The following BCAR3 variants were observed in gnomAD, a reference collection of about 807,000 sequenced individuals.
BCAR3 encodes the protein breast cancer anti-estrogen resistance protein 3.
A neutral mutation model predicts 80.1 loss-of-function variants in BCAR3; 37 were observed. The observed-to-expected ratio is 0.46, with a 90% CI of 0.36 to 0.61. The LOEUF is 0.61. BCAR3 is among the 20% of genes least tolerant of loss of function. The probability of loss-of-function intolerance (pLI) is 0.00; values close to 1 mark genes in which losing one functional copy is unlikely to be tolerated. For synonymous variants in BCAR3, 389 were observed against 418.9 expected, an observed-to-expected ratio of 0.93 and a Z score of 0.87; for missense variants, 978 against 1,068.2, an observed-to-expected ratio of 0.92 and a Z score of 1.18.
chr1:93,713,217 T>A lies in BCAR3; in HGVS notation c.-62-7075A>T, dbSNP rs1650084311. Among the ~76,000 whole-genome samples the A allele has an allele frequency of 2.0e-5, 3 of 152,318 alleles. No homozygotes were observed. In the South Asian group the frequency reaches 6.2e-4, roughly 32 times the overall value. On this transcript the variant is annotated intron_variant, in intron 2 of 13. Transcript: ENST00000370244. ...GGCTTCTGTATTGGACGGCACACTC[T>A]AGGGTCTTATCTTAGTGCAGTTTGT...
intron 2 of BCAR3, among the ~76,000 whole-genome samples, chr1:93,771,359 G>A (rs1201386546): frequency 1.3e-5 from 2 of 152,282 alleles, no homozygotes; most frequent in South Asian, 2.1e-4. Flanking sequence ...TAAGAGACAC[G>A]ACATAGGGCA....
intron 1 of BCAR3, among the ~76,000 whole-genome samples, chr1:93,675,988 T>C (rs1381694414): frequency 6.8e-6 from 1 of 146,876 alleles, no homozygotes; most frequent in East Asian, 2.0e-4. Context: ...GGATCTGTCT[T>C]ATACTAGTCA....
At chr1:93,737,181 A>G (rs916061304) in intron 2 of BCAR3, among the ~76,000 whole-genome samples, 13 of 152,200 alleles carry the variant, frequency 8.5e-5, no homozygotes, top group African/African-American at 3.1e-4. Flanking sequence ...GAAAGCCTCA[A>G]AGCAGAACAG....
intron 3 of BCAR3, among the ~76,000 whole-genome samples, chr1:93,622,636 G>A (rs1389228854): frequency 1.3e-5 from 2 of 152,172 alleles, no homozygotes; most frequent in Admixed American, 1.3e-4. Context: ...TTTGTCACAT[G>A]GAAACACAAA....
intron 3 of BCAR3, among the ~76,000 whole-genome samples, chr1:93,623,063 C>T (rs756882912): frequency 1.5e-4 from 23 of 152,268 alleles, no homozygotes; most frequent in Non-Finnish European, 3.1e-4. Flanking sequence ...TGGACATCCC[C>T]ACCCCCTGCC....
chr1:93,589,720 G>A (rs756883332), intron 4 of BCAR3, among the ~76,000 whole-genome samples: 2 of 152,162 alleles, frequency 1.3e-5, no homozygotes, highest in Non-Finnish European at 2.9e-5. Flanking sequence ...TTCTGTTTTA[G>A]TGAGGATAAA....
intron 1 of BCAR3, among the ~76,000 whole-genome samples, chr1:93,679,692 T>G (rs1472519601): frequency 6.6e-6 from 1 of 152,240 alleles, no homozygotes; most frequent in Non-Finnish European, 1.5e-5. Flanking sequence ...TTACCACATG[T>G]GCTGCCTTCC....
At chr1:93,807,064 C>T (rs1278645718) in intron 2 of BCAR3, among the ~76,000 whole-genome samples, 2 of 151,724 alleles carry the variant, frequency 1.3e-5, no homozygotes, top group African/African-American at 4.8e-5. Flanking sequence ...GAGATCATGC[C>T]ACTGCACTCC....
At position 93,698,649 on chromosome 1, in the gene BCAR3, G is replaced by A. The variant is rs183793545; in HGVS notation, c.-12+7443C>T. Reference sequence around the variant, plus strand: ...ACTCCAACAACCCATTCCTGAGTGGGGTGGAGGATACTTGATAAAGAGAGG... The same window carrying A: ...ACTCCAACAACCCATTCCTGAGTGGAGTGGAGGATACTTGATAAAGAGAGG... On this transcript the variant is annotated intron_variant, in intron 3 of 13. Transcript: ENST00000370244. Among the ~76,000 whole-genome samples the A allele has an allele frequency of 1.6e-3, 241 of 152,288 alleles. 1 individual carries two copies. The highest frequency in any genetic ancestry group is 2.5e-3 in the Non-Finnish European group (171 of 68,022).
intron 3 of BCAR3, among the ~76,000 whole-genome samples, chr1:93,691,467 C>T (rs553081047): frequency 6.6e-6 from 1 of 152,302 alleles, no homozygotes; most frequent in East Asian, 1.9e-4. Context: ...GTTTAAGGTG[C>T]TTATTTTTAC....
intron 2 of BCAR3, among the ~76,000 whole-genome samples, chr1:93,662,295 G>T (rs928009938): frequency 6.6e-6 from 1 of 152,206 alleles, no homozygotes; most frequent in Non-Finnish European, 1.5e-5. Context: ...TTCTGAGGCT[G>T]CAGTTCTCCA....
intron 2 of BCAR3, among the ~76,000 whole-genome samples, chr1:93,832,354 A>C (rs1367991129): frequency 2.6e-5 from 4 of 152,180 alleles, no homozygotes; most frequent in African/African-American, 9.7e-5. Context: ...AAATCTGGCC[A>C]CTGGGCCAAG....
Position 93,708,477 on chromosome 1 carries a change from A to G in BCAR3, c.-62-2335T>C, listed in dbSNP as rs144300443. Among the ~76,000 whole-genome samples, 462 of 152,334 alleles carry G rather than the reference A, an allele frequency of 3.0e-3. 2 individuals are homozygous for G. The highest frequency in any genetic ancestry group is 0.01 in the African/African-American group (426 of 41,560). On this transcript the variant is annotated intron_variant, in intron 2 of 13. Transcript: ENST00000370244. ...ATCCAACCAACAGTGTGGACACTTT[A>G]CAAATTGTCATAATCTTTTCTGTCC...
intron 2 of BCAR3, among the ~76,000 whole-genome samples, chr1:93,820,899 T>G (rs1393967226): frequency 8.3e-6 from 1 of 121,066 alleles, no homozygotes; most frequent in Non-Finnish European, 1.6e-5. Context: ...GTTACCTCAT[T>G]AGCATTACAA....
At chr1:93,740,790 A>G (rs1441185810) in intron 2 of BCAR3, among the ~76,000 whole-genome samples, 1 of 152,082 alleles carries the variant, frequency 6.6e-6, no homozygotes, top group Non-Finnish European at 1.5e-5. Context: ...GATAGGCATT[A>G]GGGACTAGCT....
intron 7 of BCAR3, among the ~76,000 whole-genome samples, chr1:93,577,966 A>G (rs1000871210): frequency 3.9e-5 from 6 of 152,218 alleles, no homozygotes; most frequent in Non-Finnish European, 7.3e-5. Context: ...CTCACACCGC[A>G]GGGCCTGCAT....
At chr1:93,800,274 T>G (rs1440872980) in intron 2 of BCAR3, among the ~76,000 whole-genome samples, 1 of 152,140 alleles carries the variant, frequency 6.6e-6, no homozygotes, top group African/African-American at 2.4e-5. Context: ...GGGATTTGGC[T>G]TAATAAAGCA....
intron 2 of BCAR3, among the ~76,000 whole-genome samples, chr1:93,809,772 A>G (rs1653766583): frequency 1.5e-5 from 2 of 135,796 alleles, no homozygotes; most frequent in African/African-American, 3.1e-5. Flanking sequence ...CGTCTCAAAA[A>G]GATAAAAAAA....
intron 2 of BCAR3, among the ~76,000 whole-genome samples, chr1:93,658,631 G>A (rs185909284): frequency 1.4e-4 from 21 of 152,252 alleles, no homozygotes; most frequent in African/African-American, 3.1e-4. Flanking sequence ...CAGCCTGGGC[G>A]ACAGAGTGAG....
Sources: gnomAD v4.1 joint callset for allele counts (sites outside exome capture counted in the v4.1 genomes callset) on GRCh38, gnomAD v4.1.1 for gene constraint, MANE v1.5 for transcripts, NCBI Gene and HGNC (gene_info 2026-07-23, HGNC 2026-07-21) for gene names.